Variants in EEPD1 observed in about 807,000 individuals in gnomAD.
EEPD1 encodes endonuclease/exonuclease/phosphatase family domain containing 1, also known as endonuclease/exonuclease/phosphatase family domain-containing protein 1.
A neutral mutation model predicts 46.3 loss-of-function variants in EEPD1; 17 were observed. The ratio of observed to expected loss-of-function variants is 0.37; its 90% CI spans 0.25 to 0.55. EEPD1 has a LOEUF of 0.55. EEPD1 is among the 20% of genes least tolerant of loss of function. The pLI is 0.83. For missense variants in EEPD1, 673 were observed against 745.6 expected (o/e 0.90, Z 1.13); for synonymous variants, 313 against 315.6 (o/e 0.99, Z 0.09).
At chr7:36,236,441 G>T (rs1265671936) in intron 2 of EEPD1, among the ~76,000 whole-genome samples, 1 of 152,178 alleles carries the variant, frequency 6.6e-6, no homozygotes, top group Admixed American at 6.5e-5. Flanking sequence ...CCCTCTTCGC[G>T]GGATTGTTGG....
intron 3 of EEPD1, among the ~76,000 whole-genome samples, chr7:36,257,152 A>C (rs890594214): frequency 5.3e-5 from 8 of 152,124 alleles, no homozygotes; most frequent in Non-Finnish European, 1.2e-4. Context: ...ATTGGCCCCC[A>C]CTTTCTTATG....
chr7:36,181,242 C>A (rs1352012730), intron 2 of EEPD1, among the ~76,000 whole-genome samples: 1 of 152,140 alleles, frequency 6.6e-6, no homozygotes, highest in Non-Finnish European at 1.5e-5. Context: ...CCGCCACACC[C>A]CACTGCCTTG....
At position 36,155,165 on chromosome 7, in the gene EEPD1, G is replaced by T; in HGVS notation, c.841G>T (p.Val281Leu). The T allele has an allele frequency of 6.6e-7, 1 of 1,521,332 alleles. No individual in the cohort carries two copies. Among genetic ancestry groups the T allele is most frequent in the Non-Finnish European group, 8.8e-7 (1 of 1,135,822 alleles). 94.2% of individuals were successfully genotyped at this position (1,521,332 alleles called of 1,614,324 possible). ...CGTGGAGAAGGCCAACAACCCCGGG[G>T]TGCGAGAGGTGGTGTGCATGACACT... ...CSVEKANNPG[V>L]REVVCMTLLE... Residue 281 changes from valine (V) to leucine (L), a missense_variant, in exon 2 of 8, where the codon GTG (valine) becomes TTG (leucine). Transcript: ENST00000242108.
intron 2 of EEPD1, among the ~76,000 whole-genome samples, chr7:36,199,679 G>A (rs928062507): frequency 2.6e-5 from 4 of 152,212 alleles, no homozygotes; most frequent in East Asian, 1.9e-4. Flanking sequence ...CAGCTGCTTC[G>A]ACCCTAAAAT....
chr7:36,281,336 G>A (rs982331238), intron 4 of EEPD1, 111 bp downstream of exon 4: 10 of 951,514 alleles, frequency 1.1e-5, no homozygotes, highest in Admixed American at 2.4e-5. Context: ...GTTCAATTTT[G>A]TATTTCTGCC....
At chr7:36,166,545 A>AC (rs1334024952) in intron 2 of EEPD1, among the ~76,000 whole-genome samples, 4 of 151,360 alleles carry the variant, frequency 2.6e-5, no homozygotes, top group African/African-American at 7.3e-5. Flanking sequence ...ACATAGCGAG[A>AC]CCCCTTCTCT....
At chr7:36,257,167 G>A (rs971082923) in intron 3 of EEPD1, among the ~76,000 whole-genome samples, 1 of 151,450 alleles carries the variant, frequency 6.6e-6, no homozygotes, top group Non-Finnish European at 1.5e-5. Flanking sequence ...CTTATGGCTT[G>A]TAGGGTTTCT....
rs193206104 is a variant in EEPD1 at position 36,248,231 on chromosome 7, G to T, written c.930+9195G>T. Among the ~76,000 whole-genome samples, 11 of 150,486 alleles carry T rather than the reference G, an allele frequency of 7.3e-5. No individual in the cohort carries two copies. In the East Asian group the frequency reaches 2.1e-3, roughly 29 times the overall value. ...ATACTTTTTTTTTTTTTGAGACAGAGTCTCACTCTGTCCCCCAGGCTGGAG... is the reference window on the plus strand; with the variant it reads ...ATACTTTTTTTTTTTTTGAGACAGATTCTCACTCTGTCCCCCAGGCTGGAG... On this transcript the variant is annotated intron_variant, in intron 3 of 7. Transcript: ENST00000242108.
At chr7:36,271,798 C>CCTATTCTATTCTATTCTATTCTATT (rs60205065) in intron 3 of EEPD1, among the ~76,000 whole-genome samples, 21 of 132,428 alleles carry the variant, frequency 1.6e-4, no homozygotes, top group East Asian at 4.7e-4. Flanking sequence ...ACATAAGCCT[C>CCTATTCTATTCTATTCTATTCTATT]CTATTCTATT....
At chr7:36,252,814 C>CAT (rs1786771687) in intron 3 of EEPD1, among the ~76,000 whole-genome samples, 1 of 128,632 alleles carries the variant, frequency 7.8e-6, no homozygotes, top group Non-Finnish European at 1.6e-5. Flanking sequence ...GGTGTGATAG[C>CAT]ATGAGTGTTC....
At chr7:36,177,056 A>T (rs1181340050) in intron 2 of EEPD1, among the ~76,000 whole-genome samples, 1 of 152,188 alleles carries the variant, frequency 6.6e-6, no homozygotes, top group African/African-American at 2.4e-5. Flanking sequence ...TGGCACAAGG[A>T]AAATGTTTTG....
At chr7:36,205,879 T>A (rs1785807180) in intron 2 of EEPD1, among the ~76,000 whole-genome samples, 2 of 151,802 alleles carry the variant, frequency 1.3e-5, no homozygotes, top group South Asian at 4.2e-4. Context: ...CCATAGAAAC[T>A]CTCTCTCAGA....
chr7:36,213,487 C>T (rs773137318), intron 2 of EEPD1, among the ~76,000 whole-genome samples: 2 of 152,110 alleles, frequency 1.3e-5, no homozygotes, highest in African/African-American at 2.4e-5. Flanking sequence ...AGAAGCAAAG[C>T]GAGGATTGGA....
At chr7:36,178,948 A>G (rs1422499587) in intron 2 of EEPD1, among the ~76,000 whole-genome samples, 1 of 152,218 alleles carries the variant, frequency 6.6e-6, no homozygotes, top group Non-Finnish European at 1.5e-5. Context: ...TTCCTTTATG[A>G]ATTCTGGGGA....
At chr7:36,241,531 AGTGCTGGG>A (rs1719245498) in intron 3 of EEPD1, among the ~76,000 whole-genome samples, 1 of 152,174 alleles carries the variant, frequency 6.6e-6, no homozygotes, top group South Asian at 2.1e-4. Flanking sequence ...TGTGGAGCCT[AGTGCTGGG>A]GTGTATCAGT....
rs150712811 is a variant in EEPD1 at position 36,236,614 on chromosome 7, G to C, written c.879-2371G>C. Among the ~76,000 whole-genome samples the C allele has an allele frequency of 2.8e-3, 425 of 152,344 alleles. 2 individuals carry two copies. Among genetic ancestry groups the C allele is most frequent in the African/African-American group, 7.9e-3 (328 of 41,574 alleles). On this transcript the variant is annotated intron_variant, in intron 2 of 7. Coordinates refer to ENST00000242108, the MANE Select transcript of EEPD1 (RefSeq NM_030636.3). ...GCTGGCTGGGCTTCTGAGAGGTGGGGACTTGGAGAACTTTTCTAGCTGTCT... is the reference window on the plus strand; with the variant it reads ...GCTGGCTGGGCTTCTGAGAGGTGGGCACTTGGAGAACTTTTCTAGCTGTCT...
intron 3 of EEPD1, among the ~76,000 whole-genome samples, chr7:36,271,149 G>A (rs985453826): frequency 2.6e-5 from 4 of 151,960 alleles, no homozygotes; most frequent in South Asian, 2.1e-4. Flanking sequence ...ACCACGCCCG[G>A]CTAATTTTTT....
At chr7:36,284,643 C>G in intron 4 of EEPD1, 43 bp from the exon 5 acceptor site, 5 of 1,592,724 alleles carry the variant, frequency 3.1e-6, no homozygotes, top group Non-Finnish European at 4.3e-6. Context: ...CCAGGTGGCG[C>G]TAGGGCTCTG....
At chr7:36,279,899 G>A (rs941560950) in intron 3 of EEPD1, among the ~76,000 whole-genome samples, 5 of 152,210 alleles carry the variant, frequency 3.3e-5, no homozygotes, top group Non-Finnish European at 7.3e-5. Flanking sequence ...TGCAGGGTGG[G>A]TCCAGTGACG....
Sources: allele counts gnomAD v4.1 joint callset (sites outside exome capture counted in the v4.1 genomes callset), GRCh38; gene constraint gnomAD v4.1.1; transcripts MANE v1.5; gene names NCBI Gene and HGNC (gene_info 2026-07-23, HGNC 2026-07-21).